SLC22A16: variants seen among roughly 807,000 people sequenced by gnomAD.
SLC22A16 encodes the protein solute carrier family 22 member 16.
SLC22A16 carries 53 observed loss-of-function variants against 52.9 expected under a neutral mutation model. The ratio of observed to expected loss-of-function variants is 1.00; its 90% CI spans 0.80 to 1.26. SLC22A16 has a LOEUF of 1.26. SLC22A16 is among the 50% of genes most tolerant of loss of function. The pLI, the probability that SLC22A16 is intolerant of heterozygous loss-of-function variation, is 0.00. For missense variants in SLC22A16, 726 were observed against 704.0 expected, an observed-to-expected ratio of 1.03 and a Z score of -0.35; for synonymous variants, 291 against 268.8, an observed-to-expected ratio of 1.08 and a Z score of -0.81.
At chr6:110,437,639 C>T (rs1308731652) in intron 5 of SLC22A16, among the ~76,000 whole-genome samples, 1 of 152,102 alleles carries the variant, frequency 6.6e-6, no homozygotes, top group East Asian at 1.9e-4. Flanking sequence ...TGTTGATATA[C>T]TATTGCTTAA....
intron 1 of SLC22A16, among the ~76,000 whole-genome samples, chr6:110,471,965 C>T (rs941957029): frequency 3.9e-5 from 6 of 152,142 alleles, no homozygotes; most frequent in Admixed American, 3.9e-4. Flanking sequence ...GGACTGCAGC[C>T]CTGGGTGGCC....
chr6:110,451,281 T>C (rs1164717838), intron 2 of SLC22A16, among the ~76,000 whole-genome samples: 1 of 152,226 alleles, frequency 6.6e-6, no homozygotes, highest in South Asian at 2.1e-4. Flanking sequence ...CTTTTATGCA[T>C]GTACCTCTGT....
chr6:110,468,693 GA>G (rs987015536), intron 1 of SLC22A16, among the ~76,000 whole-genome samples: 22 of 149,880 alleles, frequency 1.5e-4, no homozygotes, highest in South Asian at 2.1e-4. Flanking sequence ...AGAAGAAAAA[GA>G]AAAAAAGAAA....
rs149847564 is a variant in SLC22A16 at position 110,442,707 on chromosome 6, T to A, written c.720A>T (p.Thr240=). The change falls in exon 4 of 8, where the codon ACA becomes ACT. Residue 240 remains threonine, a synonymous_variant. Coordinates refer to ENST00000368919, the MANE Select transcript of SLC22A16 (RefSeq NM_033125.4). ...AGGAATGCAAATGGACAGACGCCCA[T>A]GTCCGAGACTTCATGCCAATGAATT... ...VMEFIGMKSR[T]WASVHLHSFF... The A allele has an allele frequency of 1.2e-6, 2 of 1,614,006 alleles. No homozygotes were observed. Among genetic ancestry groups the A allele is most frequent in the Non-Finnish European group, 1.7e-6 (2 of 1,179,984 alleles).
At chr6:110,441,612 T>C (rs1774967729) in intron 4 of SLC22A16, among the ~76,000 whole-genome samples, 1 of 152,202 alleles carries the variant, frequency 6.6e-6, no homozygotes, top group Non-Finnish European at 1.5e-5. Context: ...AATGAAAATA[T>C]CTGCTTATGA....
At chr6:110,475,327 AC>A (rs1222828456) in intron 1 of SLC22A16, among the ~76,000 whole-genome samples, 1 of 152,160 alleles carries the variant, frequency 6.6e-6, no homozygotes, top group African/African-American at 2.4e-5. Context: ...TTAGGCAGAA[AC>A]CTTGGTTTTC....
Position 110,430,412 on chromosome 6 carries a change from G to A in SLC22A16, c.1521+759C>T, listed in dbSNP as rs550433563. On this transcript the variant is annotated intron_variant, in intron 7 of 7. Transcript: ENST00000368919. ...ATGAGAGGTGATGCATGCAGGGGGCGGGGAGGAGGCTGGGAGGGAATCCGG... is the reference window on the plus strand; with the variant it reads ...ATGAGAGGTGATGCATGCAGGGGGCAGGGAGGAGGCTGGGAGGGAATCCGG... Among the ~76,000 whole-genome samples, 16 of 152,088 alleles carry A rather than the reference G, an allele frequency of 1.1e-4. No individual in the cohort carries two copies. The East Asian group carries it at 1.6e-3, about 15-fold the overall frequency.
intron 4 of SLC22A16, 108 bp downstream of exon 4, chr6:110,442,136 C>A (rs1055766816): frequency 6.8e-6 from 7 of 1,032,382 alleles, no homozygotes; most frequent in Non-Finnish European, 8.3e-6. Flanking sequence ...TTTTAAAGGG[C>A]CTATTAAAAA....
intron 6 of SLC22A16, among the ~76,000 whole-genome samples, chr6:110,434,056 C>T (rs1170135375): frequency 1.3e-5 from 2 of 152,082 alleles, no homozygotes; most frequent in African/African-American, 4.8e-5. Context: ...GCCTGGCCAA[C>T]ATGGTGAAAC....
At chr6:110,426,060 G>C (rs553200354) in intron 7 of SLC22A16, among the ~76,000 whole-genome samples, 11 of 152,324 alleles carry the variant, frequency 7.2e-5, no homozygotes, top group African/African-American at 2.4e-4. Context: ...ATCCATAACA[G>C]ACGAGACCTG....
At chr6:110,454,238 T>C (rs1775495550) in intron 2 of SLC22A16, among the ~76,000 whole-genome samples, 2 of 152,058 alleles carry the variant, frequency 1.3e-5, no homozygotes, top group Non-Finnish European at 2.9e-5. Flanking sequence ...CATAAAAAAG[T>C]GGTCAGGGAC....
chr6:110,474,752 C>T (rs1226803277), intron 1 of SLC22A16, among the ~76,000 whole-genome samples: 1 of 152,234 alleles, frequency 6.6e-6, no homozygotes, highest in African/African-American at 2.4e-5. Context: ...GCTGTCCCAC[C>T]TGCCAGGGTC....
At chr6:110,431,370 G>T (rs939369450) in intron 6 of SLC22A16, 100 bp from the exon 7 acceptor site, 15 of 1,001,222 alleles carry the variant, frequency 1.5e-5, no homozygotes, top group Admixed American at 3.9e-5. Flanking sequence ...CCCCAGCAAG[G>T]ATAAGGGTGG....
intron 2 of SLC22A16, among the ~76,000 whole-genome samples, chr6:110,453,025 T>A (rs570553250): frequency 1.3e-5 from 2 of 152,324 alleles, no homozygotes; most frequent in South Asian, 4.1e-4. Context: ...TGAGTTATCA[T>A]CCATTTCATG....
Position 110,425,024 on chromosome 6 carries a change from A to AT in SLC22A16, c.1582_1583insA (p.Leu528HisfsTer20). 6.2e-7 allele frequency: 1 copy of AT among 1,614,180 alleles called. No homozygotes were observed. The highest frequency in any genetic ancestry group is 8.5e-7 in the Non-Finnish European group (1 of 1,180,030). Reference sequence around the variant, plus strand: ...CCAAGTAGTTGCTAGCCGTTTCCCAAGGGTTTCTGGAAGCTTTAGTGTTAA... The same window carrying AT: ...CCAAGTAGTTGCTAGCCGTTTCCCAATGGGTTTCTGGAAGCTTTAGTGTTAA... On this transcript the variant is annotated frameshift_variant, in exon 8 of 8. Transcript: ENST00000368919. LOFTEE classifies it low-confidence loss of function (END_TRUNC).
At chr6:110,452,205 T>A (rs1308767590) in intron 2 of SLC22A16, among the ~76,000 whole-genome samples, 3 of 152,214 alleles carry the variant, frequency 2.0e-5, no homozygotes, top group Non-Finnish European at 2.9e-5. Flanking sequence ...TTTTGTTATA[T>A]TTAACCATTT....
chr6:110,461,655 C>T (rs1775889093), intron 1 of SLC22A16, among the ~76,000 whole-genome samples: 1 of 152,146 alleles, frequency 6.6e-6, no homozygotes, highest in South Asian at 2.1e-4. Context: ...TCAGCTCATA[C>T]ACCCTACATA....
chr6:110,456,499 C>A (rs775824097), intron 2 of SLC22A16, 39 bp downstream of exon 2: 19 of 1,605,196 alleles, frequency 1.2e-5, no homozygotes, highest in Non-Finnish European at 1.4e-5. Flanking sequence ...GGAAAATAAA[C>A]CCTACACTGA....
chr6:110,475,766 T>A (rs55679760), intron 1 of SLC22A16, among the ~76,000 whole-genome samples: 1 of 152,114 alleles, frequency 6.6e-6, no homozygotes, highest in Admixed American at 6.5e-5. Flanking sequence ...CTGAGTCAGA[T>A]AGAGGAGCTC....
Sources: allele counts gnomAD v4.1 joint callset (sites outside exome capture counted in the v4.1 genomes callset), GRCh38; gene constraint gnomAD v4.1.1; transcripts MANE v1.5; gene names NCBI Gene and HGNC (gene_info 2026-07-23, HGNC 2026-07-21).